The following ELMO1 variants were observed in gnomAD, a reference collection of about 807,000 sequenced individuals.
ELMO1 encodes the protein engulfment and cell motility 1.
Under a neutral mutation model 98.9 loss-of-function variants are expected in ELMO1, and 26 were observed. That is an observed-to-expected ratio of 0.26 (90% CI 0.19 to 0.36). ELMO1 has a LOEUF of 0.36. ELMO1 is among the 10% of genes least tolerant of loss of function. The pLI, the probability that ELMO1 is intolerant of heterozygous loss-of-function variation, is 1.00. For synonymous variants in ELMO1, 346 were observed against 346.0 expected, an observed-to-expected ratio of 1.00 and a Z score of 0.00; for missense variants, 627 against 935.2, an observed-to-expected ratio of 0.67 and a Z score of 4.30.
chr7:37,357,976 G>T (rs1216531765), intron 1 of ELMO1, among the ~76,000 whole-genome samples: 1 of 152,214 alleles, frequency 6.6e-6, no homozygotes, highest in African/African-American at 2.4e-5. Flanking sequence ...AAAGTGGTCT[G>T]TGGTTCTATT....
intron 16 of ELMO1, among the ~76,000 whole-genome samples, chr7:36,899,213 A>AT (rs1013141649): frequency 1.3e-5 from 2 of 152,048 alleles, no homozygotes; most frequent in African/African-American, 2.4e-5. Context: ...AAAAATTTGG[A>AT]TTTTTTTGTT....
At chr7:37,212,039 A>G (rs1187846593) in intron 12 of ELMO1, among the ~76,000 whole-genome samples, 1 of 152,228 alleles carries the variant, frequency 6.6e-6, no homozygotes, top group African/African-American at 2.4e-5. Flanking sequence ...ATGGGATACT[A>G]TCCAGGCTTT....
At chr7:37,420,311 C>T (rs1647799) in intron 1 of ELMO1, among the ~76,000 whole-genome samples, 151,497 of 152,360 alleles carry the variant, frequency 0.99, 75,327 homozygotes, top group Middle Eastern at 1. Flanking sequence ...ACATTTTATA[C>T]TTGGACATTA....
At chr7:37,251,824 A>G (rs1172440040) in intron 6 of ELMO1, among the ~76,000 whole-genome samples, 1 of 152,260 alleles carries the variant, frequency 6.6e-6, no homozygotes, top group African/African-American at 2.4e-5. Context: ...TTGTATAATT[A>G]GAAAACCCCA....
chr7:37,210,531 G>A (rs535410259), intron 13 of ELMO1, among the ~76,000 whole-genome samples: 16 of 150,534 alleles, frequency 1.1e-4, no homozygotes, highest in Non-Finnish European at 2.4e-4. Context: ...GGGTGTGTCT[G>A]TATATATGTA....
chr7:37,151,207 C>T (rs1486991583), intron 13 of ELMO1, among the ~76,000 whole-genome samples: 1 of 152,222 alleles, frequency 6.6e-6, no homozygotes, highest in Non-Finnish European at 1.5e-5. Context: ...TGGGTTTGGG[C>T]CCCTCCAGGG....
chr7:36,943,137 C>T (rs1787190142), intron 16 of ELMO1, among the ~76,000 whole-genome samples: 1 of 152,210 alleles, frequency 6.6e-6, no homozygotes, highest in South Asian at 2.1e-4. Context: ...CACATCTGTA[C>T]ACTGGGGACA....
chr7:36,950,938 T>C (rs976842296), intron 16 of ELMO1, among the ~76,000 whole-genome samples: 2 of 152,192 alleles, frequency 1.3e-5, no homozygotes. Flanking sequence ...GACCCATCCA[T>C]CTACCCAGTT....
chr7:37,025,985 G>A (rs1794553843), intron 15 of ELMO1, among the ~76,000 whole-genome samples: 1 of 151,378 alleles, frequency 6.6e-6, no homozygotes, highest in Non-Finnish European at 1.5e-5. Flanking sequence ...ACAAGAAGGA[G>A]GAGCAGAAGA....
chr7:37,412,601 T>A (rs987704), intron 1 of ELMO1, among the ~76,000 whole-genome samples: 5 of 46,918 alleles, frequency 1.1e-4, no homozygotes, highest in Non-Finnish European at 2.0e-4. Flanking sequence ...TTTTCAAGAA[T>A]GTATTGGTTT....
chr7:37,369,800 G>A (rs771184278), intron 1 of ELMO1, among the ~76,000 whole-genome samples: 12 of 151,888 alleles, frequency 7.9e-5, no homozygotes, highest in African/African-American at 1.2e-4. Flanking sequence ...CACATATTGA[G>A]AGAAGATATC....
At chr7:37,099,702 C>G (rs1784539034) in intron 14 of ELMO1, among the ~76,000 whole-genome samples, 1 of 152,274 alleles carries the variant, frequency 6.6e-6, no homozygotes, top group African/African-American at 2.4e-5. Flanking sequence ...TATACATTCT[C>G]TATCAATTGA....
Position 37,046,582 on chromosome 7 carries a change from G to A in ELMO1, c.1301-33147C>T, listed in dbSNP as rs1025940055. ...TTGCAATCATTGGTGAATCAAACAC[G>A]GGAATGAGAATGATGAAAACAAAAC... On this transcript the variant is annotated intron_variant, in intron 15 of 21. Transcript: ENST00000310758. 1.8e-4 allele frequency among the ~76,000 whole-genome samples: 27 copies of A among 152,208 alleles called. No individual in the cohort carries two copies. The South Asian group carries it at 4.6e-3, about 26-fold the overall frequency.
chr7:37,332,028 G>A (rs542524257), intron 2 of ELMO1, among the ~76,000 whole-genome samples: 22 of 152,206 alleles, frequency 1.4e-4, no homozygotes, highest in African/African-American at 4.3e-4. Flanking sequence ...AATGACAGCC[G>A]GAAATTATGA....
At position 37,271,857 on chromosome 7, in the gene ELMO1, G is replaced by A; in HGVS notation, c.218C>T (p.Thr73Ile). 6.2e-7 allele frequency: 1 copy of A among 1,614,008 alleles called. No homozygotes were observed. Among genetic ancestry groups the A allele is most frequent in the Non-Finnish European group, 8.5e-7 (1 of 1,179,992 alleles). ...EKNRNEIKNG[T>I]ILRLTTSPAQ... ...TGGAGATGTGGTTAATCGAAGGATA[G>A]TGCCATTTTTTATCTCATTGCGGTT... Residue 73 changes from threonine to isoleucine, a missense_variant, in exon 5 of 22, where the codon ACT (threonine) becomes ATT (isoleucine). Thr to Ile is a moderately conservative substitution (Grantham distance 89). Around this residue, in one of 3 missense-constraint regions of ELMO1, gnomAD observed 123 missense variants for 171.2 expected, o/e 0.72. Transcript: ENST00000310758.
chr7:37,233,262 G>T, intron 7 of ELMO1, 68 bp from the exon 8 acceptor site: 1 of 1,411,838 alleles, frequency 7.1e-7, no homozygotes, highest in Non-Finnish European at 9.7e-7. Flanking sequence ...AAGCAAGAAA[G>T]TTCTGGGAAA....
intron 14 of ELMO1, among the ~76,000 whole-genome samples, chr7:37,124,963 G>A (rs1462129192): frequency 6.6e-6 from 1 of 152,100 alleles, no homozygotes; most frequent in Non-Finnish European, 1.5e-5. Context: ...ACAGAACAGA[G>A]CCCTCAGAAA....
In ELMO1 at chr7:37,434,607, C is replaced by T. The variant is rs150669521; in HGVS notation, c.-74+14068G>A. On this transcript the variant is annotated intron_variant, in intron 1 of 21. Coordinates refer to ENST00000310758, the MANE Select transcript of ELMO1 (RefSeq NM_014800.11). ...TCTTTTCAAAGCATAAATCAGATCA[C>T]GTCACTCCCTTGGGTAAAACTCTTC... is the stretch of plus-strand genomic sequence containing the variant. 4.5e-3 allele frequency among the ~76,000 whole-genome samples: 687 copies of T among 152,294 alleles called. 6 individuals are homozygous for T. The highest frequency in any genetic ancestry group is 0.016 in the African/African-American group (666 of 41,558).
At chr7:37,263,163 TG>T (rs1796062910) in intron 5 of ELMO1, among the ~76,000 whole-genome samples, 1 of 152,164 alleles carries the variant, frequency 6.6e-6, no homozygotes, top group East Asian at 1.9e-4. Context: ...ATAAAAAAAG[TG>T]GGAATCAAAG....
Sources: gnomAD v4.1 joint callset for allele counts (sites outside exome capture counted in the v4.1 genomes callset) on GRCh38, gnomAD v4.1.1 for gene constraint, gnomAD v4.1.1 regional missense constraint, MANE v1.5 for transcripts, NCBI Gene and HGNC (gene_info 2026-07-23, HGNC 2026-07-21) for gene names.